The following ARHGAP24 variants were observed in gnomAD, a reference collection of about 807,000 sequenced individuals.
ARHGAP24 encodes Rho GTPase activating protein 24.
A neutral mutation model predicts 76.4 loss-of-function variants in ARHGAP24; 50 were observed. The observed-to-expected ratio is 0.65, with a 90% CI of 0.52 to 0.83. The LOEUF (loss-of-function observed/expected upper bound fraction) is 0.83. ARHGAP24 is among the 40% of genes least tolerant of loss of function. The pLI, the probability that ARHGAP24 is intolerant of heterozygous loss-of-function variation, is 0.00. For missense variants in ARHGAP24, 930 were observed against 914.2 expected, an observed-to-expected ratio of 1.02 and a Z score of -0.22; for synonymous variants, 345 against 323.3, an observed-to-expected ratio of 1.07 and a Z score of -0.72.
At chr4:85,750,643 G>A (rs114474370) in intron 3 of ARHGAP24, among the ~76,000 whole-genome samples, 1,818 of 151,660 alleles carry the variant, frequency 0.012, 29 homozygotes, top group African/African-American at 0.042. Flanking sequence ...TTACAGGTAC[G>A]CACCACCTCG....
chr4:85,909,784 A>G (rs911810226), intron 3 of ARHGAP24, among the ~76,000 whole-genome samples: 5 of 152,242 alleles, frequency 3.3e-5, no homozygotes, highest in African/African-American at 1.2e-4. Flanking sequence ...AGAAAATTGT[A>G]GAGCTATAGG....
At chr4:85,667,440 CT>C (rs147373028) in intron 2 of ARHGAP24, among the ~76,000 whole-genome samples, 4,451 of 152,292 alleles carry the variant, frequency 0.029, 200 homozygotes, top group African/African-American at 0.1. Flanking sequence ...TCCCTGACCC[CT>C]TGTGCTTCCT....
intron 3 of ARHGAP24, among the ~76,000 whole-genome samples, chr4:85,793,528 G>A (rs1056091025): frequency 6.6e-6 from 1 of 152,090 alleles, no homozygotes; most frequent in Admixed American, 6.6e-5. Context: ...AATCCTGCCT[G>A]TTTTAGTTCT....
chr4:85,721,807 G>T lies in ARHGAP24; in HGVS notation c.181-78G>T, dbSNP rs1369205104. 15 of 1,242,862 alleles carry T rather than the reference G, an allele frequency of 1.2e-5. No homozygotes were observed. In the South Asian group the frequency reaches 1.2e-4, roughly 10 times the overall value. The allele number at this position is 1,242,862 out of a possible 1,614,324, so 77.0% of individuals were successfully genotyped here. ...TATACTGGGTTATAGCTACACCTTG[G>T]ATATTCACTGATTATAATGATGATA... On this transcript the variant is annotated intron_variant, in intron 2 of 9. Coordinates refer to ENST00000395184, the MANE Select transcript of ARHGAP24 (RefSeq NM_001025616.3).
intron 1 of ARHGAP24, among the ~76,000 whole-genome samples, chr4:85,563,935 G>T (rs1450262227): frequency 6.6e-6 from 1 of 152,108 alleles, no homozygotes; most frequent in Admixed American, 6.5e-5. Flanking sequence ...AGAGTTCCAG[G>T]TTCTAAATCA....
chr4:85,681,269 C>T (rs372113981), intron 2 of ARHGAP24, among the ~76,000 whole-genome samples: 9 of 152,180 alleles, frequency 5.9e-5, no homozygotes, highest in African/African-American at 2.2e-4. Context: ...AGCAACTTGA[C>T]AATCCTATGA....
chr4:85,722,309 G>A (rs1724977768), intron 3 of ARHGAP24: 1 of 251,144 alleles, frequency 4.0e-6, no homozygotes, highest in Non-Finnish European at 7.8e-6. Context: ...GGGGTTATAG[G>A]TTGAATGCTT....
chr4:85,652,338 C>T (rs1301840664), intron 2 of ARHGAP24, among the ~76,000 whole-genome samples: 1 of 152,156 alleles, frequency 6.6e-6, no homozygotes, highest in Non-Finnish European at 1.5e-5. Context: ...TATTACTTTA[C>T]TGACTCCGTC....
chr4:85,690,663 C>T (rs1192122075), intron 2 of ARHGAP24, among the ~76,000 whole-genome samples: 1 of 148,520 alleles, frequency 6.7e-6, no homozygotes, highest in African/African-American at 2.5e-5. Flanking sequence ...GTAATGTCAT[C>T]TTTGTCATTT....
intron 3 of ARHGAP24, among the ~76,000 whole-genome samples, chr4:85,920,877 A>G (rs1167265352): frequency 6.6e-6 from 1 of 152,200 alleles, no homozygotes; most frequent in Non-Finnish European, 1.5e-5. Context: ...AAATAATAAT[A>G]ACAAATGCTG....
chr4:85,846,423 A>G (rs1365236585), intron 3 of ARHGAP24, among the ~76,000 whole-genome samples: 1 of 152,160 alleles, frequency 6.6e-6, no homozygotes, highest in African/African-American at 2.4e-5. Flanking sequence ...CTTTTTGTTG[A>G]GAGATACTAC....
chr4:85,761,037 A>G (rs1037907660), intron 3 of ARHGAP24, among the ~76,000 whole-genome samples: 3 of 152,186 alleles, frequency 2.0e-5, no homozygotes, highest in African/African-American at 7.2e-5. Context: ...CTCTGCAGCC[A>G]TTGTACTGTC....
At chr4:85,568,034 G>A (rs1578042788) in intron 1 of ARHGAP24, among the ~76,000 whole-genome samples, 3 of 152,018 alleles carry the variant, frequency 2.0e-5, no homozygotes, top group African/African-American at 7.2e-5. Flanking sequence ...CATTGACTTC[G>A]GTCAGACTTA....
At chr4:85,720,258 T>TATAATA (rs36119786) in intron 2 of ARHGAP24, among the ~76,000 whole-genome samples, 2 of 151,010 alleles carry the variant, frequency 1.3e-5, no homozygotes, top group Non-Finnish European at 3.0e-5. Flanking sequence ...GAACTTAAAG[T>TATAATA]ATAATAATAA....
At chr4:85,735,085 G>A (rs994103886) in intron 3 of ARHGAP24, among the ~76,000 whole-genome samples, 6 of 151,856 alleles carry the variant, frequency 4.0e-5, no homozygotes, top group Non-Finnish European at 7.4e-5. Context: ...TTCAGGAACC[G>A]TAATCTATTG....
At chr4:85,621,467 G>A (rs1720716915) in intron 2 of ARHGAP24, among the ~76,000 whole-genome samples, 1 of 152,076 alleles carries the variant, frequency 6.6e-6, no homozygotes, top group Non-Finnish European at 1.5e-5. Flanking sequence ...CATTTTGACT[G>A]ATGGGAGATG....
intron 3 of ARHGAP24, among the ~76,000 whole-genome samples, chr4:85,848,642 C>T (rs1731030199): frequency 6.6e-6 from 1 of 152,126 alleles, no homozygotes; most frequent in African/African-American, 2.4e-5. Context: ...AGGAAGAGAT[C>T]CGGTTTCAGC....
intron 1 of ARHGAP24, among the ~76,000 whole-genome samples, chr4:85,544,712 A>G (rs1036404634): frequency 3.3e-5 from 5 of 152,140 alleles, no homozygotes; most frequent in South Asian, 2.1e-4. Flanking sequence ...ATATATATAC[A>G]CATACATATA....
chr4:85,564,968 ATAC>A (rs1259690477), intron 1 of ARHGAP24, among the ~76,000 whole-genome samples: 9 of 123,648 alleles, frequency 7.3e-5, no homozygotes, highest in African/African-American at 2.8e-4. Context: ...ATATATATAT[ATAC>A]CCACACCCAC....
Sources: gnomAD v4.1 joint callset for allele counts (sites outside exome capture counted in the v4.1 genomes callset) on GRCh38, gnomAD v4.1.1 for gene constraint, MANE v1.5 for transcripts, NCBI Gene and HGNC (gene_info 2026-07-23, HGNC 2026-07-21) for gene names.